The following C16orf96 variants were observed in gnomAD, a reference collection of about 807,000 sequenced individuals.
C16orf96 encodes the protein chromosome 16 open reading frame 96, also known as uncharacterized protein C16orf96.
A neutral mutation model predicts 103.6 loss-of-function variants in C16orf96; 108 were observed. The ratio of observed to expected loss-of-function variants is 1.04; its 90% CI spans 0.89 to 1.22. C16orf96 has a LOEUF of 1.22. Ranked by LOEUF, C16orf96 falls within the 50% of genes most tolerant of loss-of-function variation. C16orf96 has a pLI of 0.00. For missense variants in C16orf96, 1,586 were observed against 1,464.2 expected (o/e 1.08, Z -1.36); for synonymous variants, 566 against 593.5 (o/e 0.95, Z 0.67).
chr16:4,591,864 G>T, intron 10 of C16orf96, 80 bp downstream of exon 10: 1 of 1,140,012 alleles, frequency 8.8e-7, no homozygotes, highest in South Asian at 1.3e-5. Context: ...GCTCTGGGAG[G>T]AAAGATTCCA....
At chr16:4,555,969 G>C (rs2059259067), upstream of C16orf96, among the ~76,000 whole-genome samples, 1 of 152,014 alleles carries the variant, frequency 6.6e-6, no homozygotes, top group Non-Finnish European at 1.5e-5. Context: ...CAAAGTGCTG[G>C]GATTACAGGC....
chr16:4,589,365 GC>G (rs1468875024), intron 9 of C16orf96, among the ~76,000 whole-genome samples: 2 of 150,376 alleles, frequency 1.3e-5, no homozygotes, highest in Non-Finnish European at 3.0e-5. Context: ...GATCACTTGA[GC>G]CCAGGAGTTC....
chr16:4,551,517 T>C (rs1319050610), upstream of C16orf96, among the ~76,000 whole-genome samples: 1 of 152,182 alleles, frequency 6.6e-6, no homozygotes, highest in African/African-American at 2.4e-5. Context: ...AGTGGCTTGA[T>C]CTTGGCTCAC....
In C16orf96 at chr16:4,600,399, AG is replaced by A. The variant is rs1897259297; in HGVS notation, c.*83del. On this transcript the variant is annotated 3_prime_UTR_variant, in exon 16 of 16. Coordinates refer to ENST00000444310, the MANE Select transcript of C16orf96 (RefSeq NM_001145011.2). ...CCATGTGGCCCTCCCACTCCCACCA[AG>A]TCCCCTCCACATCGGAGGCTGAGGC... 5 of 980,814 alleles carry A rather than the reference AG, an allele frequency of 5.1e-6. No homozygotes were observed. Among genetic ancestry groups the A allele is most frequent in the Non-Finnish European group, 7.6e-6 (5 of 658,676 alleles). The allele number at this position is 980,814 out of a possible 1,614,324, so 60.8% of individuals were successfully genotyped here. A position where few individuals can be genotyped will look rare whatever the true frequency, so the allele number is the denominator to read the frequency against.
At chr16:4,565,969 A>C (rs1458282983) in intron 1 of C16orf96, among the ~76,000 whole-genome samples, 4 of 152,004 alleles carry the variant, frequency 2.6e-5, no homozygotes, top group Admixed American at 1.3e-4. Context: ...CTGCCTCCCA[A>C]GTTTCTGGGA....
chr16:4,563,567 T>G (rs1431638532), intron 1 of C16orf96, among the ~76,000 whole-genome samples: 1 of 150,126 alleles, frequency 6.7e-6, no homozygotes, highest in Non-Finnish European at 1.5e-5. Context: ...TAACCTTTTT[T>G]TTGTTTGTTT....
At chr16:4,571,006 C>CAAACAA (rs960064232) in intron 1 of C16orf96, among the ~76,000 whole-genome samples, 5 of 151,994 alleles carry the variant, frequency 3.3e-5, no homozygotes, top group Middle Eastern at 3.4e-3. Flanking sequence ...CCATCTCTAC[C>CAAACAA]AAACAAAAAC....
At chr16:4,546,550 G>A in the C16orf96 span, among the ~76,000 whole-genome samples, 7 of 145,602 alleles carry the variant, frequency 4.8e-5, no homozygotes, top group Non-Finnish European at 1.0e-4. Flanking sequence ...CTGCAGCCTC[G>A]ACCTTCCAAG....
upstream of C16orf96, among the ~76,000 whole-genome samples, chr16:4,554,846 G>A (rs1189632447): frequency 6.6e-6 from 1 of 151,546 alleles, no homozygotes; most frequent in African/African-American, 2.4e-5. Flanking sequence ...GGCCAGGATG[G>A]TCTCCATCTC....
intron 1 of C16orf96, among the ~76,000 whole-genome samples, chr16:4,570,757 C>T (rs938791808): frequency 6.6e-6 from 1 of 152,110 alleles, no homozygotes; most frequent in Non-Finnish European, 1.5e-5. Context: ...TGAGCCACCG[C>T]GCCAAGCTCG....
In C16orf96 at chr16:4,574,690, G is replaced by C. The variant is rs1207255250; in HGVS notation, c.526-19G>C. 3 of 1,548,640 alleles carry C rather than the reference G, an allele frequency of 1.9e-6. No individual in the cohort carries two copies. The highest frequency in any genetic ancestry group is 2.7e-5 in the African/African-American group (2 of 73,078). ...ACAGAACCTGGACCCCCAGTCCACA[G>C]ACTCAGTTCCTTTGACAGGTACACC... On this transcript the variant is annotated intron_variant, in intron 2 of 15. Coordinates refer to ENST00000444310, the MANE Select transcript of C16orf96 (RefSeq NM_001145011.2).
chr16:4,581,169 T>C (rs1227633510), intron 7 of C16orf96, among the ~76,000 whole-genome samples: 1 of 115,382 alleles, frequency 8.7e-6, no homozygotes, highest in African/African-American at 3.9e-5. Context: ...TATATATATA[T>C]ATATATATAT....
chr16:4,573,298 G>T (rs1478128786), intron 2 of C16orf96, among the ~76,000 whole-genome samples: 6 of 151,948 alleles, frequency 3.9e-5, no homozygotes, highest in Non-Finnish European at 2.9e-5. Flanking sequence ...AATTAGCTGG[G>T]TGTGGTTGCA....
rs1213330721 is a variant in C16orf96, at chr16:4,580,104, G to C, written c.2331G>C (p.Gln777His). The change falls in exon 7 of 16, where the codon CAG becomes CAC. Residue 777 changes from glutamine (Q) to histidine (H), a missense_variant. Physicochemically the swap from Gln to His is conservative, Grantham distance 24. Coordinates refer to ENST00000444310, the MANE Select transcript of C16orf96 (RefSeq NM_001145011.2). ...TGGACAAGGCGGTGGAGAACCTGCA[G>C]ATTCGCATGGATGAGTTCAAGGTTA... Reference protein sequence around the residue: ...ITLDKAVENLQIRMDEFKTLQ... With the variant: ...ITLDKAVENLHIRMDEFKTLQ... 6.5e-7 allele frequency: 1 copy of C among 1,537,460 alleles called. No homozygotes were observed. The highest frequency in any genetic ancestry group is 2.5e-5 in the East Asian group (1 of 40,228).
the C16orf96 span, among the ~76,000 whole-genome samples, chr16:4,550,008 A>C: frequency 6.6e-6 from 1 of 152,058 alleles, no homozygotes; most frequent in Non-Finnish European, 1.5e-5. Context: ...TTTTATAGCA[A>C]TGCAAATGAA....
At chr16:4,561,383 T>A (rs1385778172) in intron 1 of C16orf96, 1 of 152,126 alleles carries the variant, frequency 6.6e-6, no homozygotes, top group African/African-American at 2.4e-5. Flanking sequence ...TCAGACAAGA[T>A]AGACTTCAAG....
intron 1 of C16orf96, among the ~76,000 whole-genome samples, chr16:4,558,385 G>A (rs539132586): frequency 2.0e-5 from 3 of 152,162 alleles, no homozygotes; most frequent in Non-Finnish European, 4.4e-5. Flanking sequence ...AGGCCAAGGC[G>A]GGATGATCAC....
intron 1 of C16orf96, 87 bp downstream of exon 1, chr16:4,556,996 G>T (rs891872737): frequency 2.9e-6 from 4 of 1,374,180 alleles, no homozygotes; most frequent in Non-Finnish European, 3.8e-6. Flanking sequence ...TTGAGACTCC[G>T]TCTCGCTCTG....
In C16orf96 at chr16:4,591,698, A is replaced by G. The variant is rs1897062698; in HGVS notation, c.2625A>G (p.Lys875=). Residue 875 remains lysine, a synonymous_variant, in exon 10 of 16, where the codon AAA becomes AAG. Coordinates refer to ENST00000444310, the MANE Select transcript of C16orf96 (RefSeq NM_001145011.2). The stretch of plus-strand genomic sequence containing the variant: ...ACAGTGATCTGGATCCCTTGAAGAA[A>G]GAAATGGAAGAGGTCTGGAAAATCG... ...LVHSDLDPLK[K]EMEEVWKIVR... 1 of 1,551,558 alleles carries G rather than the reference A, an allele frequency of 6.4e-7. No individual in the cohort carries two copies. The highest frequency in any genetic ancestry group is 1.4e-5 in the African/African-American group (1 of 73,050).
Sources: allele counts gnomAD v4.1 joint callset (sites outside exome capture counted in the v4.1 genomes callset), GRCh38; gene constraint gnomAD v4.1.1; transcripts MANE v1.5; gene names NCBI Gene and HGNC (gene_info 2026-07-23, HGNC 2026-07-21).